Variants in MTUS1 observed in about 807,000 individuals in gnomAD.
MTUS1 encodes microtubule associated scaffold protein 1.
MTUS1 carries 109 observed loss-of-function variants against 120.8 expected under a neutral mutation model. That is an observed-to-expected ratio of 0.90 (90% CI 0.77 to 1.06). The LOEUF (loss-of-function observed/expected upper bound fraction) is 1.06. MTUS1 is among the 50% of genes least tolerant of loss of function. The pLI, the probability that MTUS1 is intolerant of heterozygous loss-of-function variation, is 0.00. For synonymous variants in MTUS1, 737 were observed against 550.5 expected, an observed-to-expected ratio of 1.34 and a Z score of -4.74; for missense variants, 2,210 against 1,486.3, an observed-to-expected ratio of 1.49 and a Z score of -8.01.
chr8:17,733,107 T>A (rs1333453754), intron 3 of MTUS1, among the ~76,000 whole-genome samples: 1 of 152,102 alleles, frequency 6.6e-6, no homozygotes, highest in Non-Finnish European at 1.5e-5. Flanking sequence ...TCCCAGCACT[T>A]TGGAAGGCCG....
Position 17,754,780 on chromosome 8 carries a change from T to C in MTUS1, c.1028A>G (p.Tyr343Cys), listed in dbSNP as rs750608046. 3.0e-5 allele frequency: 48 copies of C among 1,614,132 alleles called. 1 individual carries two copies. Among genetic ancestry groups the C allele is most frequent in the Admixed American group, 2.5e-4 (15 of 60,014 alleles). ...AGGGCATTCATCATCAATAAGACAA[T>C]AGGACACTGTCTCTCTCAGATTTTG... ...MGQNLRETVSYCLIDDECPLM... is the reference protein window; with the variant it reads ...MGQNLRETVSCCLIDDECPLM... Residue 343 changes from tyrosine to cysteine, a missense_variant, in exon 2 of 15, where the codon TAT (tyrosine) becomes TGT (cysteine). Transcript: ENST00000693296.
intron 1 of MTUS1, among the ~76,000 whole-genome samples, chr8:17,773,588 A>T (rs2050176898): frequency 6.6e-6 from 1 of 152,226 alleles, no homozygotes; most frequent in African/African-American, 2.4e-5. Flanking sequence ...TTGCTGTGTC[A>T]TAACATGGAG....
At position 17,754,292 on chromosome 8, in the gene MTUS1, T is replaced by C. The variant is rs756096097; in HGVS notation, c.1516A>G (p.Asn506Asp). Reference sequence around the variant, plus strand: ...ACTTTTGCTTTGACATTCTTGAAGTTTGGTCTTGGGTAACTTATAATTTCA... The same window carrying C: ...ACTTTTGCTTTGACATTCTTGAAGTCTGGTCTTGGGTAACTTATAATTTCA... ...KTEIISYPRPNFKNVKAKVMS... is the reference protein window; with the variant it reads ...KTEIISYPRPDFKNVKAKVMS... The change falls in exon 2 of 15, where the codon AAC (asparagine) becomes GAC (aspartate). Residue 506 changes from asparagine (N) to aspartate (D), a missense_variant. Coordinates refer to ENST00000693296, the MANE Select transcript of MTUS1 (RefSeq NM_001363059.2). 2 of 1,614,142 alleles carry C rather than the reference T, an allele frequency of 1.2e-6. No homozygotes were observed. Among genetic ancestry groups the C allele is most frequent in the South Asian group, 1.1e-5 (1 of 91,078 alleles).
chr8:17,770,742 A>T (rs1037956280), intron 1 of MTUS1, among the ~76,000 whole-genome samples: 2 of 152,208 alleles, frequency 1.3e-5, no homozygotes, highest in Non-Finnish European at 2.9e-5. Context: ...ATGAAACATC[A>T]CAGACTTTTC....
intron 1 of MTUS1, among the ~76,000 whole-genome samples, chr8:17,764,956 C>A (rs78168588): frequency 0.029 from 4,467 of 152,218 alleles, 161 homozygotes; most frequent in East Asian, 0.19. Context: ...CATTGTAATA[C>A]ATAATCAAAT....
chr8:17,756,559 G>A lies in MTUS1; in HGVS notation c.-154-598C>T, dbSNP rs932268027. On this transcript the variant is annotated intron_variant, in intron 1 of 14. Coordinates refer to ENST00000693296, the MANE Select transcript of MTUS1 (RefSeq NM_001363059.2). Reference sequence around the variant, plus strand: ...AATTGAAGGGGAAAAAAAAATTGTCGATTCTTAAAGGCTCCAGTGGTACCC... The same window carrying A: ...AATTGAAGGGGAAAAAAAAATTGTCAATTCTTAAAGGCTCCAGTGGTACCC... Among the ~76,000 whole-genome samples, 95 of 151,792 alleles carry A rather than the reference G, an allele frequency of 6.3e-4. 1 individual carries two copies. Among genetic ancestry groups the A allele is most frequent in the African/African-American group, 2.1e-3 (85 of 41,406 alleles).
intron 7 of MTUS1, among the ~76,000 whole-genome samples, chr8:17,680,676 G>T (rs939468954): frequency 6.6e-6 from 1 of 152,008 alleles, no homozygotes; most frequent in Non-Finnish European, 1.5e-5. Flanking sequence ...TTCCTCTAGC[G>T]TTGGATCAAC....
At chr8:17,767,036 T>A (rs1474501562) in intron 1 of MTUS1, among the ~76,000 whole-genome samples, 3 of 152,118 alleles carry the variant, frequency 2.0e-5, no homozygotes, top group Non-Finnish European at 4.4e-5. Flanking sequence ...TTTGCCATCT[T>A]TTCCTGTTAT....
At chr8:17,765,252 T>A (rs1047993774) in intron 1 of MTUS1, among the ~76,000 whole-genome samples, 6 of 152,264 alleles carry the variant, frequency 3.9e-5, no homozygotes, top group African/African-American at 1.2e-4. Context: ...CCCCCTCGCC[T>A]GAAGCCTACC....
intron 12 of MTUS1, among the ~76,000 whole-genome samples, chr8:17,652,935 T>G (rs1807347860): frequency 6.6e-6 from 1 of 152,176 alleles, no homozygotes; most frequent in Admixed American, 6.5e-5. Context: ...TAATCCTAAT[T>G]GGTAGTTTCC....
chr8:17,658,285 C>T (rs1227956660), intron 8 of MTUS1, among the ~76,000 whole-genome samples: 1 of 152,114 alleles, frequency 6.6e-6, no homozygotes, highest in African/African-American at 2.4e-5. Context: ...GCGCCTGCCT[C>T]GGCCTCCCAG....
In MTUS1 at chr8:17,697,347, T is replaced by G. The variant is rs769643706; in HGVS notation, c.2624-12805A>C. On this transcript the variant is annotated intron_variant, in intron 6 of 14. Coordinates refer to ENST00000693296, the MANE Select transcript of MTUS1 (RefSeq NM_001363059.2). ...TTGGCCGTCAGTCGTATGTGAATGGTGGATAAGGAGAATTTGGGAGACAAC... is the reference window on the plus strand; with the variant it reads ...TTGGCCGTCAGTCGTATGTGAATGGGGGATAAGGAGAATTTGGGAGACAAC... 1.9e-6 allele frequency: 3 copies of G among 1,614,052 alleles called. No homozygotes were observed. The East Asian group carries it at 6.7e-5, about 36-fold the overall frequency.
chr8:17,727,340 GA>G (rs1425944955), intron 3 of MTUS1, among the ~76,000 whole-genome samples: 1 of 152,160 alleles, frequency 6.6e-6, no homozygotes, highest in Non-Finnish European at 1.5e-5. Context: ...GTAAGGCCTA[GA>G]ATCCAAGTGT....
At chr8:17,721,728 C>G (rs200378241) in intron 4 of MTUS1, 2 of 1,577,022 alleles carry the variant, frequency 1.3e-6, no homozygotes, top group South Asian at 2.4e-5. Flanking sequence ...TCCCAGTAAA[C>G]GTGGCTAACA....
chr8:17,743,678 C>A lies in MTUS1; in HGVS notation c.2213G>T (p.Arg738Leu). 6.2e-7 allele frequency: 1 copy of A among 1,614,146 alleles called. No homozygotes were observed. Residue 738 changes from arginine (R) to leucine (L), a missense_variant, in exon 3 of 15, where the codon CGG (arginine) becomes CTG (leucine). By Grantham distance (102) the Arg-to-Leu change is moderately radical. Transcript: ENST00000693296. ...ACTGGGATTTCTATTGTCACTGTTC[C>A]GCCTCAAACAGGAAACAGGGGGCCC... Reference protein sequence around the residue: ...KVGPPVSCLRRNSDNRNPSAD... With the variant: ...KVGPPVSCLRLNSDNRNPSAD...
At chr8:17,647,811 C>T (rs1468551811) in intron 13 of MTUS1, among the ~76,000 whole-genome samples, 1 of 152,206 alleles carries the variant, frequency 6.6e-6, no homozygotes, top group South Asian at 2.1e-4. Context: ...CCATCCCCCA[C>T]TCACTTTCTA....
At chr8:17,741,292 A>G (rs150753549) in intron 3 of MTUS1, among the ~76,000 whole-genome samples, 205 of 152,258 alleles carry the variant, frequency 1.3e-3, no homozygotes, top group African/African-American at 4.6e-3. Context: ...ACACAATCAC[A>G]TTGCAGGTTG....
At chr8:17,779,834 T>C (rs963564125) in intron 1 of MTUS1, among the ~76,000 whole-genome samples, 1 of 152,224 alleles carries the variant, frequency 6.6e-6, no homozygotes, top group Admixed American at 6.5e-5. Context: ...CACTCACTCT[T>C]GTTTCAAATA....
intron 1 of MTUS1, among the ~76,000 whole-genome samples, chr8:17,764,754 G>C (rs1178282052): frequency 6.6e-6 from 1 of 152,188 alleles, no homozygotes; most frequent in Non-Finnish European, 1.5e-5. Context: ...ACAAAAAAGA[G>C]GCAGTGGGCC....
Sources: gnomAD v4.1 joint callset for allele counts (sites outside exome capture counted in the v4.1 genomes callset) on GRCh38, gnomAD v4.1.1 for gene constraint, MANE v1.5 for transcripts, NCBI Gene and HGNC (gene_info 2026-07-23, HGNC 2026-07-21) for gene names.